The following SPAG6 variants were observed in gnomAD, a reference collection of about 807,000 sequenced individuals.
The protein encoded by SPAG6 is sperm-associated antigen 6.
Under a neutral mutation model 58.5 loss-of-function variants are expected in SPAG6, and 49 were observed. That is an observed-to-expected ratio of 0.84 (90% confidence interval 0.67 to 1.06). The LOEUF (loss-of-function observed/expected upper bound fraction) is 1.06, where lower values mean the gene tolerates loss of function less well. SPAG6 is among the 50% of genes least tolerant of loss of function. SPAG6 has a pLI of 0.00. For synonymous variants in SPAG6, 233 were observed against 225.6 expected (o/e 1.03, Z -0.29); for missense variants, 560 against 611.3 (o/e 0.92, Z 0.89).
At chr10:22,349,685 T>G (rs1320909073) in intron 2 of SPAG6, among the ~76,000 whole-genome samples, 1 of 152,210 alleles carries the variant, frequency 6.6e-6, no homozygotes, top group African/African-American at 2.4e-5. Context: ...TTTTACATAT[T>G]ACAACCTATA....
chr10:22,387,829 A>T lies in SPAG6; in HGVS notation c.685A>T (p.Ile229Phe), dbSNP rs1564372943. 6.2e-7 allele frequency: 1 copy of T among 1,608,194 alleles called. No individual in the cohort carries two copies. The highest frequency in any genetic ancestry group is 8.5e-7 in the Non-Finnish European group (1 of 1,178,170). ...TTTTTTTTTTGCTTCACAGCATCAG[A>T]TCCTTTCAGCTCTCAGTCAGGTTTC... is the stretch of plus-strand genomic sequence containing the variant. Reference protein sequence around the residue: ...LNPDAKLKHQILSALSQVSKH... With the variant: ...LNPDAKLKHQFLSALSQVSKH... Residue 229 changes from isoleucine (I) to phenylalanine (F), a missense_variant, in exon 6 of 11, where the codon ATC (isoleucine) becomes TTC (phenylalanine). Ile to Phe is a conservative substitution (Grantham distance 21, BLOSUM62 0). Transcript: ENST00000376624.
At chr10:22,374,750 T>C (rs1193682857) in intron 4 of SPAG6, among the ~76,000 whole-genome samples, 1 of 151,724 alleles carries the variant, frequency 6.6e-6, no homozygotes, top group African/African-American at 2.4e-5. Flanking sequence ...AACTCCAGCC[T>C]GGGCAACAGA....
rs1834876323 is a variant in SPAG6, at chr10:22,416,793, T to A, written c.*105T>A. 1.6e-6 allele frequency: 1 copy of A among 641,598 alleles called. No individual in the cohort carries two copies. Among genetic ancestry groups the A allele is most frequent in the South Asian group, 2.0e-5 (1 of 50,184 alleles). 39.7% of individuals were successfully genotyped at this position (641,598 alleles called of 1,614,324 possible). A position where few individuals can be genotyped will look rare whatever the true frequency, so the allele number is the denominator to read the frequency against. ...CTAAGTATATTCTAGATTTATTTAA[T>A]GGGAAATACCTTTAGATAATATTTT... On this transcript the variant is annotated 3_prime_UTR_variant, in exon 11 of 11. Transcript: ENST00000376624.
chr10:22,405,351 T>A (rs1477440004), intron 9 of SPAG6, among the ~76,000 whole-genome samples: 1 of 152,178 alleles, frequency 6.6e-6, no homozygotes, highest in African/African-American at 2.4e-5. Flanking sequence ...CATGAAGAGT[T>A]GTTGAATTTT....
chr10:22,394,819 G>T (rs1834256723), intron 8 of SPAG6, among the ~76,000 whole-genome samples: 1 of 152,122 alleles, frequency 6.6e-6, no homozygotes, highest in Non-Finnish European at 1.5e-5. Flanking sequence ...TGATCCTCCT[G>T]CCTTAGCCTC....
chr10:22,399,139 A>G (rs1296561406), intron 8 of SPAG6, among the ~76,000 whole-genome samples: 1 of 152,178 alleles, frequency 6.6e-6, no homozygotes, highest in Non-Finnish European at 1.5e-5. Context: ...CTTTTTAACA[A>G]CTTTATTGAG....
intron 2 of SPAG6, among the ~76,000 whole-genome samples, chr10:22,354,874 TGGCA>T (rs1422381520): frequency 3.3e-5 from 5 of 151,906 alleles, no homozygotes; most frequent in African/African-American, 1.2e-4. Flanking sequence ...CCAGGTGTGG[TGGCA>T]GGCGCCTGTA....
At chr10:22,358,173 A>G (rs1050874121) in intron 2 of SPAG6, among the ~76,000 whole-genome samples, 1 of 152,140 alleles carries the variant, frequency 6.6e-6, no homozygotes, top group Non-Finnish European at 1.5e-5. Flanking sequence ...GACTTCAACA[A>G]TGGTTGAACT....
At chr10:22,413,264 T>C (rs1173278465) in intron 10 of SPAG6, among the ~76,000 whole-genome samples, 6 of 151,978 alleles carry the variant, frequency 3.9e-5, no homozygotes. Flanking sequence ...CCAGGCTCAG[T>C]GGCTCATGCC....
intron 3 of SPAG6, among the ~76,000 whole-genome samples, chr10:22,366,560 T>C (rs965116488): frequency 2.6e-5 from 4 of 152,314 alleles, no homozygotes; most frequent in African/African-American, 9.6e-5. Flanking sequence ...AAATGGTAAA[T>C]TTCATGTTAT....
At chr10:22,364,617 C>T (rs1363353604) in intron 2 of SPAG6, among the ~76,000 whole-genome samples, 1 of 152,124 alleles carries the variant, frequency 6.6e-6, no homozygotes, top group Non-Finnish European at 1.5e-5. Context: ...GGGATTCTTA[C>T]CTAAATCCAA....
At chr10:22,416,573 G>A (rs1834869300) in intron 10 of SPAG6, 46 bp from the exon 11 acceptor site, 1 of 1,147,564 alleles carries the variant, frequency 8.7e-7, no homozygotes, top group South Asian at 1.2e-5. Context: ...TGTGCCTGCT[G>A]TGTTGATCGT....
At chr10:22,357,905 G>A (rs1836913076) in intron 2 of SPAG6, among the ~76,000 whole-genome samples, 1 of 151,964 alleles carries the variant, frequency 6.6e-6, no homozygotes, top group South Asian at 2.1e-4. Flanking sequence ...CCCTACAAAG[G>A]ACCTGAGCTC....
chr10:22,346,171 C>T, intron 2 of SPAG6: 1 of 1,166,754 alleles, frequency 8.6e-7, no homozygotes, highest in Non-Finnish European at 1.1e-6. Context: ...TGCCTTTGAT[C>T]ACCTTCGACT....
intron 9 of SPAG6, among the ~76,000 whole-genome samples, chr10:22,402,166 A>T (rs1051926422): frequency 1.3e-5 from 2 of 152,332 alleles, no homozygotes; most frequent in African/African-American, 2.4e-5. Flanking sequence ...GAGATATTGT[A>T]TGCTAAGCAT....
At chr10:22,399,373 G>T (rs566622047) in intron 8 of SPAG6, among the ~76,000 whole-genome samples, 1 of 152,196 alleles carries the variant, frequency 6.6e-6, no homozygotes, top group Admixed American at 6.5e-5. Flanking sequence ...TTCTGAATTT[G>T]ACTTTTCTGG....
intron 9 of SPAG6, among the ~76,000 whole-genome samples, chr10:22,403,147 A>T (rs775905091): frequency 9.9e-5 from 15 of 151,928 alleles, no homozygotes; most frequent in Non-Finnish European, 2.1e-4. Flanking sequence ...ATTTATTATT[A>T]TTATACTTTA....
chr10:22,387,720 A>G (rs2132082119), intron 5 of SPAG6, 103 bp from the exon 6 acceptor site: 1 of 1,145,596 alleles, frequency 8.7e-7, no homozygotes, highest in Non-Finnish European at 1.2e-6. Flanking sequence ...TTTTCCTTTT[A>G]TAAAGGAATT....
At chr10:22,404,905 G>C (rs1203963649) in intron 9 of SPAG6, among the ~76,000 whole-genome samples, 1 of 152,102 alleles carries the variant, frequency 6.6e-6, no homozygotes, top group Non-Finnish European at 1.5e-5. Flanking sequence ...TGAAGCAATT[G>C]TGAATGGGAG....
Sources: allele counts gnomAD v4.1 joint callset (sites outside exome capture counted in the v4.1 genomes callset), GRCh38; gene constraint gnomAD v4.1.1; transcripts MANE v1.5; gene names NCBI Gene and HGNC (gene_info 2026-07-23, HGNC 2026-07-21).